Variants in PDXDC1 observed in about 807,000 individuals in gnomAD.
PDXDC1 encodes pyridoxal dependent decarboxylase domain containing 1.
In PDXDC1, 42 loss-of-function variants were observed where a neutral mutation model predicts 100.1. That is an observed-to-expected ratio of 0.42 (90% CI 0.33 to 0.54). The LOEUF (loss-of-function observed/expected upper bound fraction) is 0.54, where lower values mean the gene tolerates loss of function less well. PDXDC1 is among the 20% of genes least tolerant of loss of function. The probability of loss-of-function intolerance (pLI) is 0.10; values close to 1 mark genes in which losing one functional copy is unlikely to be tolerated. For synonymous variants in PDXDC1, 260 were observed against 371.7 expected (o/e 0.70, Z 3.46); for missense variants, 636 against 979.2 (o/e 0.65, Z 4.68).
rs1443118681 is a variant in PDXDC1 at position 15,076,541 on chromosome 16, A to G, written c.1399+46485A>G. The G allele has an allele frequency of 1.9e-6, 3 of 1,540,210 alleles. No homozygotes were observed. The Admixed American group carries it at 5.0e-5, about 26-fold the overall frequency. On this transcript the variant is annotated intron_variant, in intron 16 of 16. Transcript: ENST00000535621. Reference sequence around the variant, plus strand: ...TATGATAAACTTCATCTCCACTTTCATTAATAAACTGCTAACCATATTAAA... The same window carrying G: ...TATGATAAACTTCATCTCCACTTTCGTTAATAAACTGCTAACCATATTAAA...
chr16:15,152,122 G>A, the PDXDC1 span, among the ~76,000 whole-genome samples: 3 of 142,864 alleles, frequency 2.1e-5, no homozygotes, highest in Admixed American at 1.4e-4. Flanking sequence ...ACCACCTCTC[G>A]GCAGCATCAT....
rs533301287 is a variant in PDXDC1 at position 15,066,767 on chromosome 16, G to C, written c.1399+36711G>C. Among the ~76,000 whole-genome samples the C allele has an allele frequency of 1.0e-3, 151 of 151,108 alleles. 1 individual carries two copies. The highest frequency in any genetic ancestry group is 3.6e-3 in the African/African-American group (147 of 41,326). On this transcript the variant is annotated intron_variant, in intron 16 of 16. Transcript: ENST00000535621. ...GTGTCAATATGGTTCAATCTCAAAA[G>C]CATCAAGCAGGCAAAAGCAACAGCT...
chr16:15,099,924 G>T (rs2046482237), intron 16 of PDXDC1, among the ~76,000 whole-genome samples: 1 of 152,176 alleles, frequency 6.6e-6, no homozygotes, highest in African/African-American at 2.4e-5. Flanking sequence ...AAGCCTCTTA[G>T]CTTGCTAGTG....
chr16:15,117,723 C>A (rs1466402151), intron 16 of PDXDC1, among the ~76,000 whole-genome samples: 2 of 111,930 alleles, frequency 1.8e-5, no homozygotes, highest in South Asian at 7.1e-4. Flanking sequence ...AAAAAAAAAG[C>A]TTCCTCCAAT....
At chr16:15,087,993 A>T (rs1423294133) in intron 16 of PDXDC1, among the ~76,000 whole-genome samples, 1 of 152,144 alleles carries the variant, frequency 6.6e-6, no homozygotes, top group East Asian at 1.9e-4. Flanking sequence ...GCATGCCCGT[A>T]ATCCCAGCTA....
intron 8 of PDXDC1, among the ~76,000 whole-genome samples, chr16:15,015,485 G>A (rs1459313480): frequency 6.6e-6 from 1 of 152,132 alleles, no homozygotes; most frequent in Non-Finnish European, 1.5e-5. Context: ...GGAAGGCCGA[G>A]GCAGGTGGAT....
Position 14,984,493 on chromosome 16 carries a change from ATATT to A in PDXDC1, c.21+9275_21+9278del, listed in dbSNP as rs1968843164. Reference sequence around the variant, plus strand: ...TGTGTATACATATATATATATATATATATTTTTTTTTTTTTTTTTTCTGAGACGG... The same window carrying A: ...TGTGTATACATATATATATATATATATTTTTTTTTTTTTTTTCTGAGACGG... On this transcript the variant is annotated intron_variant, in intron 1 of 22. Transcript: ENST00000396410. 3.0e-4 allele frequency among the ~76,000 whole-genome samples: 25 copies of A among 83,868 alleles called. No individual in the cohort carries two copies. In the East Asian group the frequency reaches 5.4e-3, roughly 18 times the overall value. The allele number at this position is 83,868 out of a possible 152,430, so 55.0% of individuals were successfully genotyped here. A position where few individuals can be genotyped will look rare whatever the true frequency, so the allele number is the denominator to read the frequency against.
intron 16 of PDXDC1, chr16:15,076,557 C>T (rs758686142): frequency 6.3e-7 from 1 of 1,599,726 alleles, no homozygotes; most frequent in East Asian, 2.2e-5. Context: ...AAACTGCTAA[C>T]CATATTAAAC....
chr16:15,141,676 G>A (rs1350671245), downstream of PDXDC1, among the ~76,000 whole-genome samples: 1 of 152,206 alleles, frequency 6.6e-6, no homozygotes, highest in Non-Finnish European at 1.5e-5. Context: ...TAGGGACACA[G>A]GCTGAGGTGC....
chr16:15,089,342 C>T (rs1324428272), intron 16 of PDXDC1, among the ~76,000 whole-genome samples: 1 of 152,156 alleles, frequency 6.6e-6, no homozygotes, highest in African/African-American at 2.4e-5. Flanking sequence ...CAAGAGCAAT[C>T]TTGGCTACAG....
At chr16:15,051,687 CTTTATT>C (rs1225357881) in intron 16 of PDXDC1, among the ~76,000 whole-genome samples, 7 of 141,150 alleles carry the variant, frequency 5.0e-5, no homozygotes, top group African/African-American at 1.0e-4. Context: ...CCAGCCTCTA[CTTTATT>C]TTTAATTTTT....
chr16:15,108,262 AG>A (rs1467374820), intron 16 of PDXDC1: 1 of 913,238 alleles, frequency 1.1e-6, no homozygotes, highest in Non-Finnish European at 1.3e-6. Context: ...CCTGATCCTA[AG>A]GATCTCACCT....
At position 15,088,617 on chromosome 16, in the gene PDXDC1, G is replaced by T. The variant is rs2046000349; in HGVS notation, c.1400-50262G>T. ...TATCTGGGAAAGAAGGCAGGGGTCA[G>T]GAAAAGCTTTAAAGAGAAAGTGATG... On this transcript the variant is annotated intron_variant, in intron 16 of 16. Coordinates refer to the PDXDC1 transcript ENST00000535621. Among the ~76,000 whole-genome samples, 3 of 152,104 alleles carry T rather than the reference G, an allele frequency of 2.0e-5. No individual in the cohort carries two copies. The South Asian group carries it at 6.2e-4, about 32-fold the overall frequency.
chr16:15,091,378 A>G (rs766148713), intron 16 of PDXDC1: 49 of 1,568,958 alleles, frequency 3.1e-5, no homozygotes, highest in Non-Finnish European at 4.0e-5. Context: ...CACCCTTAAC[A>G]AGAAGGGGAA....
At chr16:15,069,443 G>C (rs2151771301) in intron 16 of PDXDC1, among the ~76,000 whole-genome samples, 1 of 152,290 alleles carries the variant, frequency 6.6e-6, no homozygotes, top group African/African-American at 2.4e-5. Flanking sequence ...TGTTCTTGGA[G>C]ACTCTCTTCA....
intron 1 of PDXDC1, among the ~76,000 whole-genome samples, chr16:14,978,424 C>CT (rs1269107054): frequency 3.9e-5 from 6 of 152,312 alleles, no homozygotes; most frequent in Admixed American, 3.3e-4. Context: ...GGATCTCTCT[C>CT]TGTCACCCAG....
intron 8 of PDXDC1, among the ~76,000 whole-genome samples, chr16:15,015,412 C>T (rs1394513280): frequency 6.6e-6 from 1 of 152,190 alleles, no homozygotes; most frequent in Non-Finnish European, 1.5e-5. Context: ...ATGTAATCTC[C>T]TAAAAGAAAT....
intron 16 of PDXDC1, among the ~76,000 whole-genome samples, chr16:15,101,358 C>A (rs1232793842): frequency 6.6e-6 from 1 of 152,158 alleles, no homozygotes; most frequent in African/African-American, 2.4e-5. Flanking sequence ...GCTCTTTCAC[C>A]CAGGACGGAC....
Position 15,088,449 on chromosome 16 carries a change from CAG to C in PDXDC1, c.1400-50427_1400-50426del, listed in dbSNP as rs1467265865. Among the ~76,000 whole-genome samples, 5 of 152,264 alleles carry C rather than the reference CAG, an allele frequency of 3.3e-5. No individual in the cohort carries two copies. In the East Asian group the frequency reaches 5.8e-4, roughly 18 times the overall value. On this transcript the variant is annotated intron_variant, in intron 16 of 16. Transcript: ENST00000535621. ...GCCCATTACACTCCAGCCCGGGTGA[CAG>C]AGCAAGACCCTGTCTCAAGATGGAA...
Sources: allele counts gnomAD v4.1 joint callset (sites outside exome capture counted in the v4.1 genomes callset), GRCh38; gene constraint gnomAD v4.1.1; transcripts MANE v1.5; gene names NCBI Gene and HGNC (gene_info 2026-07-23, HGNC 2026-07-21).